The following CDH18 variants were observed in gnomAD, a reference collection of about 807,000 sequenced individuals.
CDH18 encodes cadherin 18.
A neutral mutation model predicts 67.9 loss-of-function variants in CDH18; 31 were observed. That is an observed-to-expected ratio of 0.46 (90% CI 0.34 to 0.62). The LOEUF is 0.62. CDH18 is among the 20% of genes least tolerant of loss of function. The pLI is 0.01. For synonymous variants in CDH18, 362 were observed against 347.2 expected (o/e 1.04, Z -0.48); for missense variants, 890 against 975.5 (o/e 0.91, Z 1.17).
intron 2 of CDH18, among the ~76,000 whole-genome samples, chr5:19,936,307 C>T (rs538686216): frequency 1.3e-5 from 2 of 151,064 alleles, no homozygotes; most frequent in Admixed American, 6.6e-5. Flanking sequence ...AGTTAAAGAG[C>T]ACTTTCTTTT....
At chr5:20,249,990 G>C (rs1743708828) in intron 2 of CDH18, among the ~76,000 whole-genome samples, 1 of 151,802 alleles carries the variant, frequency 6.6e-6, no homozygotes. Flanking sequence ...CAAAATAGTA[G>C]AAAAAAATTT....
intron 1 of CDH18, among the ~76,000 whole-genome samples, chr5:20,462,147 G>A (rs1254922573): frequency 6.6e-6 from 1 of 152,150 alleles, no homozygotes; most frequent in African/African-American, 2.4e-5. Flanking sequence ...AATGAATAAA[G>A]GAAATGTGGC....
At chr5:20,086,437 A>G (rs1396894309) in intron 2 of CDH18, among the ~76,000 whole-genome samples, 1 of 152,230 alleles carries the variant, frequency 6.6e-6, no homozygotes, top group Non-Finnish European at 1.5e-5. Flanking sequence ...ACTAAACAAC[A>G]GATTTTTGAT....
chr5:19,701,414 G>T (rs994597570), intron 5 of CDH18, among the ~76,000 whole-genome samples: 1 of 152,044 alleles, frequency 6.6e-6, no homozygotes, highest in African/African-American at 2.4e-5. Flanking sequence ...AAAAAATATG[G>T]CCCAAAGAGT....
intron 5 of CDH18, among the ~76,000 whole-genome samples, chr5:19,702,168 A>G (rs1190206248): frequency 7.4e-5 from 3 of 40,376 alleles, no homozygotes; most frequent in African/African-American, 1.0e-4. Flanking sequence ...TTTTTTTTTG[A>G]GATGGAGTCT....
chr5:20,426,802 C>A (rs897291692), intron 1 of CDH18, among the ~76,000 whole-genome samples: 1 of 151,076 alleles, frequency 6.6e-6, no homozygotes, highest in East Asian at 1.9e-4. Context: ...ATGATATGCA[C>A]CCCCTACCTT....
intron 2 of CDH18, among the ~76,000 whole-genome samples, chr5:20,123,753 T>C (rs1055004134): frequency 1.3e-5 from 2 of 151,854 alleles, no homozygotes; most frequent in African/African-American, 4.8e-5. Context: ...CCGGGTGTGG[T>C]GGTGGGCACC....
intron 11 of CDH18, among the ~76,000 whole-genome samples, chr5:19,499,800 TTC>T (rs538956757): frequency 6.6e-6 from 1 of 152,016 alleles, no homozygotes; most frequent in Non-Finnish European, 1.5e-5. Flanking sequence ...ATGCATCTCT[TTC>T]TCTCTCTCTT....
chr5:19,629,999 C>T (rs368061658), intron 5 of CDH18, among the ~76,000 whole-genome samples: 1 of 152,006 alleles, frequency 6.6e-6, no homozygotes, highest in Non-Finnish European at 1.5e-5. Flanking sequence ...TGCAACAGTG[C>T]GATCTTGGCT....
In CDH18 at chr5:20,501,423, T is replaced by TTA. The variant is rs911443915; in HGVS notation, c.-580+74037_-580+74038dup. On this transcript the variant is annotated intron_variant, in intron 1 of 14. Transcript: ENST00000507958. ...AAATATATATATTTTTATATACATA[T>TTA]TATATATATATTTTATATACATATA... Among the ~76,000 whole-genome samples the TTA allele has an allele frequency of 4.0e-4, 54 of 136,324 alleles. No homozygotes were observed. In the South Asian group the frequency reaches 4.5e-3, roughly 11 times the overall value. 89.4% of individuals were successfully genotyped at this position (136,324 alleles called of 152,430 possible).
At chr5:20,336,330 GTC>G (rs1279624953) in intron 1 of CDH18, among the ~76,000 whole-genome samples, 2 of 152,120 alleles carry the variant, frequency 1.3e-5, no homozygotes, top group East Asian at 3.9e-4. Context: ...GAGAGGGAGA[GTC>G]TCAGGAGAAG....
intron 3 of CDH18, among the ~76,000 whole-genome samples, chr5:19,764,787 T>C (rs1772860896): frequency 6.6e-6 from 1 of 152,142 alleles, no homozygotes; most frequent in Admixed American, 6.6e-5. Flanking sequence ...TACCACTCTT[T>C]GTCAGTATAT....
chr5:20,329,279 A>G (rs530555348), intron 1 of CDH18, among the ~76,000 whole-genome samples: 2 of 152,134 alleles, frequency 1.3e-5, no homozygotes, highest in South Asian at 4.1e-4. Context: ...CTATTGATCT[A>G]TTTCTTTTGA....
At chr5:20,179,330 C>T (rs1450530886) in intron 2 of CDH18, among the ~76,000 whole-genome samples, 1 of 152,034 alleles carries the variant, frequency 6.6e-6, no homozygotes, top group African/African-American at 2.4e-5. Flanking sequence ...TCAAACTTAC[C>T]TGACATTAAG....
intron 1 of CDH18, among the ~76,000 whole-genome samples, chr5:20,337,335 T>G (rs1312842092): frequency 6.6e-6 from 1 of 152,222 alleles, no homozygotes; most frequent in Non-Finnish European, 1.5e-5. Context: ...TCCAAACTTT[T>G]ATGCTCTGCT....
intron 1 of CDH18, among the ~76,000 whole-genome samples, chr5:20,276,132 C>A (rs577578478): frequency 1.3e-5 from 2 of 152,180 alleles, no homozygotes; most frequent in Non-Finnish European, 2.9e-5. Flanking sequence ...ATTCATGGGG[C>A]AAATCCTGCT....
intron 2 of CDH18, among the ~76,000 whole-genome samples, 164 bp downstream of exon 2, chr5:19,980,896 C>T (rs1255519051): frequency 2.0e-5 from 3 of 152,142 alleles, no homozygotes; most frequent in Non-Finnish European, 4.4e-5. Context: ...CTTGATTCTC[C>T]TCAATTATTT....
chr5:20,331,586 A>G (rs1018891960), intron 1 of CDH18: 1 of 152,134 alleles, frequency 6.6e-6, no homozygotes, highest in South Asian at 2.1e-4. Context: ...ATAAGCACTA[A>G]TTTTGACTCT....
At chr5:19,722,655 G>C (rs572041672) in intron 4 of CDH18, among the ~76,000 whole-genome samples, 2 of 151,656 alleles carry the variant, frequency 1.3e-5, no homozygotes, top group South Asian at 2.1e-4. Context: ...TGCAGAATTA[G>C]TGGGTAAGAA....
Sources: allele counts gnomAD v4.1 joint callset (sites outside exome capture counted in the v4.1 genomes callset), GRCh38; gene constraint gnomAD v4.1.1; transcripts MANE v1.5; gene names NCBI Gene and HGNC (gene_info 2026-07-23, HGNC 2026-07-21).